The following IQCM variants were observed in gnomAD, a reference collection of about 807,000 sequenced individuals.
IQCM encodes the protein IQ domain-containing protein M.
In IQCM, 45 loss-of-function variants were observed where a neutral mutation model predicts 57.6. That is an observed-to-expected ratio of 0.78 (90% CI 0.62 to 1.00). The LOEUF (loss-of-function observed/expected upper bound fraction) is 1.00. Ranked by LOEUF, IQCM falls within the 50% of genes least tolerant of loss-of-function variation. The pLI is 0.00. For synonymous variants in IQCM, 148 were observed against 158.9 expected (o/e 0.93, Z 0.51); for missense variants, 468 against 511.6 (o/e 0.91, Z 0.82).
At chr4:149,471,917 A>G (rs1471762144) in intron 12 of IQCM, among the ~76,000 whole-genome samples, 1 of 152,210 alleles carries the variant, frequency 6.6e-6, no homozygotes, top group Non-Finnish European at 1.5e-5. Context: ...GACAAAATTC[A>G]ACACCCTTCA....
At chr4:149,516,647 G>A (rs1186189837) in intron 12 of IQCM, among the ~76,000 whole-genome samples, 1 of 151,932 alleles carries the variant, frequency 6.6e-6, no homozygotes, top group Non-Finnish European at 1.5e-5. Flanking sequence ...GGATTCATGG[G>A]GCCAGGAATC....
intron 2 of IQCM, among the ~76,000 whole-genome samples, chr4:149,766,996 T>C (rs757156458): frequency 1.3e-5 from 2 of 152,104 alleles, no homozygotes; most frequent in Non-Finnish European, 2.9e-5. Flanking sequence ...TACCTAATGA[T>C]ATCACTAACA....
chr4:149,485,029 A>T (rs907862764), intron 12 of IQCM, among the ~76,000 whole-genome samples: 1 of 152,070 alleles, frequency 6.6e-6, no homozygotes, highest in Non-Finnish European at 1.5e-5. Flanking sequence ...TAAATATGTC[A>T]TGCCACTCTC....
At chr4:149,445,404 GC>G (rs1736400395) in intron 12 of IQCM, among the ~76,000 whole-genome samples, 1 of 151,662 alleles carries the variant, frequency 6.6e-6, no homozygotes, top group East Asian at 1.9e-4. Context: ...AAATTATCAT[GC>G]TTTTTAGTTT....
intron 9 of IQCM, among the ~76,000 whole-genome samples, chr4:149,587,203 G>T (rs1256765295): frequency 6.6e-6 from 1 of 151,588 alleles, no homozygotes; most frequent in Admixed American, 6.6e-5. Flanking sequence ...TAGATAAATG[G>T]GGATCTTACC....
At chr4:149,399,953 C>A (rs561694583) in intron 13 of IQCM, among the ~76,000 whole-genome samples, 1 of 152,156 alleles carries the variant, frequency 6.6e-6, no homozygotes, top group Non-Finnish European at 1.5e-5. Context: ...AGGGTGGACA[C>A]ACACACATGC....
chr4:149,362,864 A>C (rs939971589), intron 13 of IQCM, among the ~76,000 whole-genome samples: 17 of 152,210 alleles, frequency 1.1e-4, no homozygotes, highest in African/African-American at 3.6e-4. Flanking sequence ...CTTCTTGGGG[A>C]AAAACTTTTA....
At chr4:149,365,779 A>C (rs111273904) in intron 13 of IQCM, among the ~76,000 whole-genome samples, 1 of 152,170 alleles carries the variant, frequency 6.6e-6, no homozygotes, top group Non-Finnish European at 1.5e-5. Flanking sequence ...AAAATACCCA[A>C]TCGGTAATCC....
chr4:149,689,318 C>A (rs1762776081), intron 5 of IQCM, among the ~76,000 whole-genome samples: 1 of 151,860 alleles, frequency 6.6e-6, no homozygotes, highest in Admixed American at 6.6e-5. Flanking sequence ...AACAGAAAAC[C>A]AAACACTGCA....
rs181866459 is a variant in IQCM, at chr4:149,748,300, A to G, written c.-48-5561T>C. On this transcript the variant is annotated intron_variant, in intron 2 of 13. Coordinates refer to ENST00000636793, the MANE Select transcript of IQCM (RefSeq NM_001363507.2). Reference sequence around the variant, plus strand: ...AAGTTTTCACTATTTCATAAAATAGATATTATGTTCTATTCTTTTATGGGC... The same window carrying G: ...AAGTTTTCACTATTTCATAAAATAGGTATTATGTTCTATTCTTTTATGGGC... Among the ~76,000 whole-genome samples, 22 of 152,304 alleles carry G rather than the reference A, an allele frequency of 1.4e-4. No homozygotes were observed. The East Asian group carries it at 4.2e-3, about 29-fold the overall frequency.
chr4:149,614,378 T>C (rs2150059934), intron 8 of IQCM, among the ~76,000 whole-genome samples: 1 of 152,304 alleles, frequency 6.6e-6, no homozygotes, highest in South Asian at 2.1e-4. Context: ...TTGATGATTA[T>C]AGGTCCTTGC....
intron 5 of IQCM, among the ~76,000 whole-genome samples, chr4:149,710,606 G>A (rs764994136): frequency 1.3e-5 from 2 of 152,020 alleles, no homozygotes; most frequent in African/African-American, 4.8e-5. Context: ...CGTAGGAACC[G>A]TCACTATTTT....
At chr4:149,493,225 GC>G (rs1336550128) in intron 12 of IQCM, among the ~76,000 whole-genome samples, 1 of 151,894 alleles carries the variant, frequency 6.6e-6, no homozygotes, top group African/African-American at 2.4e-5. Context: ...AATTTTTCTT[GC>G]CATCTTTAAT....
intron 12 of IQCM, among the ~76,000 whole-genome samples, chr4:149,466,736 G>T (rs1185208778): frequency 6.6e-6 from 1 of 152,116 alleles, no homozygotes; most frequent in East Asian, 1.9e-4. Context: ...TTCAGGCTGT[G>T]ACAACAAATA....
chr4:149,394,312 C>G (rs1732072892), intron 13 of IQCM, among the ~76,000 whole-genome samples: 1 of 151,808 alleles, frequency 6.6e-6, no homozygotes, highest in African/African-American at 2.4e-5. Flanking sequence ...TGTTTTGAAA[C>G]TGTAATAATG....
intron 7 of IQCM, among the ~76,000 whole-genome samples, chr4:149,651,181 A>G (rs1759142902): frequency 6.6e-6 from 1 of 152,174 alleles, no homozygotes; most frequent in South Asian, 2.1e-4. Flanking sequence ...ATTGCTCTCT[A>G]AAATAAGTGG....
chr4:149,430,765 T>C (rs1234838803), intron 13 of IQCM, among the ~76,000 whole-genome samples: 1 of 152,040 alleles, frequency 6.6e-6, no homozygotes, highest in African/African-American at 2.4e-5. Flanking sequence ...TTATTTGAGT[T>C]GTTTCTATTA....
chr4:149,691,532 G>T (rs1243096996), intron 5 of IQCM, among the ~76,000 whole-genome samples: 2 of 152,156 alleles, frequency 1.3e-5, no homozygotes, highest in African/African-American at 4.8e-5. Flanking sequence ...AAGGTGATGG[G>T]AGGGGCAATC....
intron 2 of IQCM, among the ~76,000 whole-genome samples, chr4:149,772,548 AT>A (rs2149990843): frequency 6.6e-6 from 1 of 152,314 alleles, no homozygotes; most frequent in South Asian, 2.1e-4. Context: ...AAACAAAAAA[AT>A]ACATTGTCAC....
Sources: allele counts gnomAD v4.1 joint callset (sites outside exome capture counted in the v4.1 genomes callset), GRCh38; gene constraint gnomAD v4.1.1; transcripts MANE v1.5; gene names NCBI Gene and HGNC (gene_info 2026-07-23, HGNC 2026-07-21).